The following FAM107B variants were observed in gnomAD, a reference collection of about 807,000 sequenced individuals.
FAM107B encodes family with sequence similarity 107 member B, also known as protein FAM107B.
FAM107B carries 21 observed loss-of-function variants against 31.5 expected under a neutral mutation model. The ratio of observed to expected loss-of-function variants is 0.67; its 90% CI spans 0.47 to 0.96. FAM107B has a LOEUF of 0.96. Ranked by LOEUF, FAM107B falls within the 40% of genes least tolerant of loss-of-function variation. FAM107B has a pLI of 0.00. For missense variants in FAM107B, 452 were observed against 377.1 expected, an observed-to-expected ratio of 1.20 and a Z score of -1.64; for synonymous variants, 157 against 141.5, an observed-to-expected ratio of 1.11 and a Z score of -0.78.
intron 2 of FAM107B, among the ~76,000 whole-genome samples, chr10:14,603,772 G>A (rs1198898264): frequency 6.6e-6 from 1 of 152,084 alleles, no homozygotes; most frequent in Non-Finnish European, 1.5e-5. Flanking sequence ...GTCGGCGCGG[G>A]GCAAACCTCC....
chr10:14,605,549 T>C (rs868510525), intron 2 of FAM107B, among the ~76,000 whole-genome samples: 9 of 152,114 alleles, frequency 5.9e-5, no homozygotes, highest in African/African-American at 2.2e-4. Flanking sequence ...GGTAAACAAA[T>C]TACTTATTCC....
At chr10:14,723,774 A>G in intron 1 of FAM107B, 3 of 757,578 alleles carry the variant, frequency 4.0e-6, no homozygotes, top group Admixed American at 3.4e-5. Flanking sequence ...GAGTGGCTCC[A>G]GTGGCAGCAG....
At chr10:14,630,272 T>G (rs1015106811) in intron 2 of FAM107B, among the ~76,000 whole-genome samples, 1 of 87,456 alleles carries the variant, frequency 1.1e-5, no homozygotes, top group Non-Finnish European at 2.2e-5. Flanking sequence ...ACTTCTCTAC[T>G]GATGCTAAAA....
intron 1 of FAM107B, among the ~76,000 whole-genome samples, chr10:14,698,378 A>T (rs1162792767): frequency 1.3e-5 from 2 of 152,236 alleles, no homozygotes; most frequent in Non-Finnish European, 2.9e-5. Context: ...AGGGGTGAAC[A>T]AAGTTCTGCT....
chr10:14,535,428 T>A (rs760537342), intron 2 of FAM107B, among the ~76,000 whole-genome samples: 5 of 152,246 alleles, frequency 3.3e-5, no homozygotes, highest in Non-Finnish European at 5.9e-5. Context: ...ACATACTTTA[T>A]TTAGAGGCCT....
intron 2 of FAM107B, among the ~76,000 whole-genome samples, chr10:14,558,674 A>C (rs939877444): frequency 1.6e-4 from 24 of 152,090 alleles, no homozygotes; most frequent in African/African-American, 4.1e-4. Context: ...GAACGCAGGA[A>C]GGACTGGAAA....
At chr10:14,542,477 T>G (rs1019396789) in intron 2 of FAM107B, 1 of 152,192 alleles carries the variant, frequency 6.6e-6, no homozygotes, top group Non-Finnish European at 1.5e-5. Flanking sequence ...TTCTTTCTCA[T>G]GTTAACCCCA....
At chr10:14,763,427 TAGG>T (rs1287143573) in intron 1 of FAM107B, among the ~76,000 whole-genome samples, 4 of 152,212 alleles carry the variant, frequency 2.6e-5, no homozygotes, top group African/African-American at 9.6e-5. Context: ...GAGCAAGCTG[TAGG>T]AGGACAGACA....
At chr10:14,567,657 C>T (rs1016173816) in intron 2 of FAM107B, among the ~76,000 whole-genome samples, 7 of 151,998 alleles carry the variant, frequency 4.6e-5, no homozygotes, top group African/African-American at 7.3e-5. Context: ...ACAAGCGCAT[C>T]GCTGAAATGT....
intron 1 of FAM107B, among the ~76,000 whole-genome samples, chr10:14,697,941 A>G (rs1247575762): frequency 1.3e-5 from 2 of 152,192 alleles, no homozygotes; most frequent in Non-Finnish European, 2.9e-5. Context: ...CCTGGCCAAC[A>G]TGGCAAAACC....
At chr10:14,536,899 T>C (rs759540650) in intron 2 of FAM107B, among the ~76,000 whole-genome samples, 57 of 152,208 alleles carry the variant, frequency 3.7e-4, no homozygotes, top group Non-Finnish European at 5.9e-4. Context: ...AGTGATGCTC[T>C]TGGGAAAGTA....
At chr10:14,757,004 C>G (rs947473442) in intron 1 of FAM107B, among the ~76,000 whole-genome samples, 1 of 152,028 alleles carries the variant, frequency 6.6e-6, no homozygotes, top group Non-Finnish European at 1.5e-5. Flanking sequence ...ACACTGGGGC[C>G]TTTTGGAGGG....
At chr10:14,645,874 A>G (rs1023012561) in intron 2 of FAM107B, among the ~76,000 whole-genome samples, 1 of 152,222 alleles carries the variant, frequency 6.6e-6, no homozygotes, top group African/African-American at 2.4e-5. Flanking sequence ...GAATATCATG[A>G]CACAGAGGTG....
chr10:14,680,786 C>G (rs1588701906), intron 1 of FAM107B, among the ~76,000 whole-genome samples: 1 of 152,144 alleles, frequency 6.6e-6, no homozygotes, highest in Admixed American at 6.5e-5. Context: ...CTCTCCAGAC[C>G]TCTCTGTGAG....
At position 14,574,239 on chromosome 10, in the gene FAM107B, G is replaced by C. The variant is rs146996657; in HGVS notation, c.470-43724C>G. Among the ~76,000 whole-genome samples, 677 of 152,308 alleles carry C rather than the reference G, an allele frequency of 4.4e-3. 6 individuals are homozygous for C. Among genetic ancestry groups the C allele is most frequent in the African/African-American group, 0.015 (607 of 41,568 alleles). On this transcript the variant is annotated intron_variant, in intron 2 of 4. Transcript: ENST00000181796. ...GACACAGTTATTCCCAACTGAATCT[G>C]TAAGAGTGAACTGTTACTCTTTACA...
chr10:14,614,023 C>T (rs1233728335), intron 2 of FAM107B, among the ~76,000 whole-genome samples: 4 of 151,996 alleles, frequency 2.6e-5, no homozygotes, highest in Non-Finnish European at 5.9e-5. Flanking sequence ...CCCAGCTACT[C>T]GGGAGGCTGA....
intron 2 of FAM107B, among the ~76,000 whole-genome samples, chr10:14,575,187 G>A (rs375709312): frequency 4.0e-5 from 6 of 149,986 alleles, no homozygotes; most frequent in African/African-American, 4.9e-5. Flanking sequence ...GGGATCACAC[G>A]CTAAAGAAGC....
chr10:14,734,899 C>T (rs1395139248), intron 1 of FAM107B, among the ~76,000 whole-genome samples: 1 of 152,156 alleles, frequency 6.6e-6, no homozygotes. Context: ...TATAAATCCC[C>T]TGAAGAAAAC....
chr10:14,646,238 A>G (rs1260051501), intron 2 of FAM107B, among the ~76,000 whole-genome samples: 1 of 152,184 alleles, frequency 6.6e-6, no homozygotes, highest in Non-Finnish European at 1.5e-5. Flanking sequence ...TTGGTGACAT[A>G]GATGAATTAT....
Sources: allele counts gnomAD v4.1 joint callset (sites outside exome capture counted in the v4.1 genomes callset), GRCh38; gene constraint gnomAD v4.1.1; transcripts MANE v1.5; gene names NCBI Gene and HGNC (gene_info 2026-07-23, HGNC 2026-07-21).